Variants in NFATC2IP observed in about 807,000 individuals in gnomAD.
NFATC2IP encodes NFATC2-interacting protein.
Under a neutral mutation model 40.2 loss-of-function variants are expected in NFATC2IP, and 25 were observed. That is an observed-to-expected ratio of 0.62 (90% CI 0.45 to 0.87). The LOEUF (loss-of-function observed/expected upper bound fraction) is 0.87. NFATC2IP is among the 40% of genes least tolerant of loss of function. The pLI, the probability that NFATC2IP is intolerant of heterozygous loss-of-function variation, is 0.00. For missense variants in NFATC2IP, 553 were observed against 555.6 expected, an observed-to-expected ratio of 1.00 and a Z score of 0.05; for synonymous variants, 241 against 236.3, an observed-to-expected ratio of 1.02 and a Z score of -0.18.
chr16:28,956,183 C>A lies in NFATC2IP; in HGVS notation c.692C>A (p.Ser231Tyr), dbSNP rs1163299126. 2 of 1,614,046 alleles carry A rather than the reference C, an allele frequency of 1.2e-6. No individual in the cohort carries two copies. The highest frequency in any genetic ancestry group is 1.7e-6 in the Non-Finnish European group (2 of 1,180,000). Residue 231 changes from serine to tyrosine, a missense_variant, in exon 5 of 8, where the codon TCC becomes TAC. Physicochemically the swap from Ser to Tyr is moderately radical, Grantham distance 144 (BLOSUM62 -2). Coordinates refer to ENST00000320805, the MANE Select transcript of NFATC2IP (RefSeq NM_032815.4). Reference protein sequence around the residue: ...EVNKRLQDLRSCLSPKPPQGQ... With the variant: ...EVNKRLQDLRYCLSPKPPQGQ... Reference sequence around the variant, plus strand: ...AACAAGCGCCTCCAGGATCTCCGTTCCTGTCTGAGCCCCAAGCCACCTCAG... The same window carrying A: ...AACAAGCGCCTCCAGGATCTCCGTTACTGTCTGAGCCCCAAGCCACCTCAG...
rs1965153568 is a variant in NFATC2IP at position 28,966,855 on chromosome 16, TCTA to T, written c.*2996_*2998del. 6.6e-6 allele frequency: 1 copy of T among 152,072 alleles called. No homozygotes were observed. The highest frequency in any genetic ancestry group is 2.1e-4 in the South Asian group (1 of 4,828). 9.4% of individuals were successfully genotyped at this position (152,072 alleles called of 1,614,324 possible). ...TAATGAGCCAGTTTTCTCAGTAATG[TCTA>T]CTAAAAAAAAAGCCATTAACCTTTC... is the stretch of plus-strand genomic sequence containing the variant. On this transcript the variant is annotated 3_prime_UTR_variant, in exon 8 of 8. Transcript: ENST00000320805.
chr16:28,963,301 A>G (rs894772991), intron 7 of NFATC2IP, among the ~76,000 whole-genome samples: 6 of 152,206 alleles, frequency 3.9e-5, no homozygotes, highest in Non-Finnish European at 5.9e-5. Flanking sequence ...CTAAGGTCAC[A>G]TATCTAATAG....
intron 3 of NFATC2IP, 49 bp downstream of exon 3, chr16:28,954,731 AG>A: frequency 8.2e-7 from 1 of 1,219,860 alleles, no homozygotes; most frequent in Non-Finnish European, 1.2e-6. Context: ...AGTGAGTTGG[AG>A]GGGTAAGCGG....
chr16:28,958,697 CTTG>C lies in NFATC2IP; in HGVS notation c.847-15_847-13del, dbSNP rs1567513660. ...TTTCAAGGCAGGAAGACCTCTTTTG[CTTG>C]TTGTCCCCATCCCTAGTCGGAGCCC... On this transcript the variant is annotated splice_polypyrimidine_tract_variant and intron_variant, in intron 5 of 7. Coordinates refer to ENST00000320805, the MANE Select transcript of NFATC2IP (RefSeq NM_032815.4). The C allele has an allele frequency of 1.7e-5, 27 of 1,595,716 alleles. No homozygotes were observed. The highest frequency in any genetic ancestry group is 2.0e-5 in the Non-Finnish European group (23 of 1,170,928).
chr16:28,954,283 C>T (rs1964996672), intron 2 of NFATC2IP, among the ~76,000 whole-genome samples: 1 of 152,122 alleles, frequency 6.6e-6, no homozygotes, highest in Admixed American at 6.6e-5. Flanking sequence ...CTTTTATTGA[C>T]AGCGGGCAAA....
At position 28,954,613 on chromosome 16, in the gene NFATC2IP, C is replaced by T; in HGVS notation, c.509C>T (p.Ser170Leu). The T allele has an allele frequency of 6.2e-7, 1 of 1,614,070 alleles. No individual in the cohort carries two copies. The highest frequency in any genetic ancestry group is 8.5e-7 in the Non-Finnish European group (1 of 1,179,950). The change falls in exon 3 of 8, where the codon TCA (serine) becomes TTA (leucine). Residue 170 changes from serine (S) to leucine (L), a missense_variant. By Grantham distance (145) the Ser-to-Leu change is moderately radical (BLOSUM62 -2). Coordinates refer to ENST00000320805, the MANE Select transcript of NFATC2IP (RefSeq NM_032815.4). Reference protein sequence around the residue: ...SSGLYHEGSPSPGSPWKTKLR... With the variant: ...SSGLYHEGSPLPGSPWKTKLR... ...GGTCTCTACCATGAGGGCTCCCCAT[C>T]ACCAGGCTCTCCCTGGAAGACAAAG...
Position 28,963,840 on chromosome 16 carries a change from G to A in NFATC2IP, c.1237G>A (p.Asp413Asn). 6.2e-7 allele frequency: 1 copy of A among 1,614,198 alleles called. No individual in the cohort carries two copies. Among genetic ancestry groups the A allele is most frequent in the Non-Finnish European group, 8.5e-7 (1 of 1,180,020 alleles). Reference sequence around the variant, plus strand: ...AGCTGACCTGGGCATGGAATCTGGGGACCTCATTGAGGTCTGGGGCTGACA... The same window carrying A: ...AGCTGACCTGGGCATGGAATCTGGGAACCTCATTGAGGTCTGGGGCTGACA... ...LPADLGMESGDLIEVWG is the reference protein window; with the variant it reads ...LPADLGMESGNLIEVWG The change falls in exon 8 of 8, where the codon GAC becomes AAC. Residue 413 changes from aspartate to asparagine, a missense_variant. Transcript: ENST00000320805.
intron 7 of NFATC2IP, among the ~76,000 whole-genome samples, chr16:28,961,773 G>A (rs1163890593): frequency 1.3e-5 from 2 of 151,714 alleles, no homozygotes; most frequent in South Asian, 2.1e-4. Context: ...GGTGGCATGC[G>A]CCTATAGTCC....
At position 28,965,097 on chromosome 16, in the gene NFATC2IP, T is replaced by G. The variant is rs1421912585; in HGVS notation, c.*1234T>G. 3 of 152,192 alleles carry G rather than the reference T, an allele frequency of 2.0e-5. No individual in the cohort carries two copies. The highest frequency in any genetic ancestry group is 4.4e-5 in the Non-Finnish European group (3 of 68,040). The allele number at this position is 152,192 out of a possible 1,614,324, so 9.4% of individuals were successfully genotyped here. On this transcript the variant is annotated 3_prime_UTR_variant, in exon 8 of 8. Coordinates refer to ENST00000320805, the MANE Select transcript of NFATC2IP (RefSeq NM_032815.4). ...ACTTGTATTGCCAGACTACCTAATT[T>G]TTGCCAGTCTCATGGGTAGATAGTG...
In NFATC2IP at chr16:28,963,835, C is replaced by G. The variant is rs1050269189; in HGVS notation, c.1232C>G (p.Ser411Cys). 1 of 1,614,262 alleles carries G rather than the reference C, an allele frequency of 6.2e-7. No homozygotes were observed. The highest frequency in any genetic ancestry group is 8.5e-7 in the Non-Finnish European group (1 of 1,180,042). The change falls in exon 8 of 8, where the codon TCT becomes TGT. Residue 411 changes from serine to cysteine, a missense_variant. Physicochemically the swap from Ser to Cys is moderately radical, Grantham distance 112. Transcript: ENST00000320805. ...CTGCCAGCTGACCTGGGCATGGAAT[C>G]TGGGGACCTCATTGAGGTCTGGGGC... is the stretch of plus-strand genomic sequence containing the variant. Reference protein sequence around the residue: ...RELPADLGMESGDLIEVWG With the variant: ...RELPADLGMECGDLIEVWG
intron 5 of NFATC2IP, 156 bp from the exon 6 acceptor site, chr16:28,958,561 C>T (rs766580769): frequency 1.1e-5 from 7 of 664,490 alleles, no homozygotes; most frequent in Non-Finnish European, 1.1e-5. Flanking sequence ...CTTGCTGACA[C>T]GATTTTATTC....
Position 28,951,071 on chromosome 16 carries a change from G to T in NFATC2IP, c.60G>T (p.Gly20=). ...CCGGAGGTAGCGGTGCCGGCCGAGGGGGTCGGGGCGGCTGGGGCGGTCGGG... is the reference window on the plus strand; with the variant it reads ...CCGGAGGTAGCGGTGCCGGCCGAGGTGGTCGGGGCGGCTGGGGCGGTCGGG... The part of the protein sequence containing the change: ...RWSGGSGAGR[G]GRGGWGGRGR... Residue 20 remains glycine (G), a synonymous_variant, in exon 1 of 8, where the codon GGG becomes GGT. Coordinates refer to ENST00000320805, the MANE Select transcript of NFATC2IP (RefSeq NM_032815.4). The T allele has an allele frequency of 6.5e-7, 1 of 1,541,764 alleles. No homozygotes were observed. Among genetic ancestry groups the T allele is most frequent in the East Asian group, 2.5e-5 (1 of 40,480 alleles).
At chr16:28,960,650 T>G (rs1017409544) in intron 7 of NFATC2IP, among the ~76,000 whole-genome samples, 1 of 152,104 alleles carries the variant, frequency 6.6e-6, no homozygotes, top group Non-Finnish European at 1.5e-5. Flanking sequence ...AGTGAGAAAT[T>G]GGGCCAGGTG....
At chr16:28,961,495 T>A (rs773147628) in intron 7 of NFATC2IP, among the ~76,000 whole-genome samples, 30 of 152,024 alleles carry the variant, frequency 2.0e-4, no homozygotes, top group Non-Finnish European at 3.7e-4. Context: ...TATTCTCTCA[T>A]TGTTCTGGAG....
At position 28,955,978 on chromosome 16, in the gene NFATC2IP, G is replaced by A; in HGVS notation, c.579G>A (p.Leu193=). 1 of 1,612,674 alleles carries A rather than the reference G, an allele frequency of 6.2e-7. No individual in the cohort carries two copies. Among genetic ancestry groups the A allele is most frequent in the South Asian group, 1.1e-5 (1 of 91,036 alleles). ...GTCCTGCTGTCTCTTGCTTCTACAG[G>A]GATCTGGACAACTCTCCTCTGTCCC... The part of the protein sequence containing the change: ...DKEEKKKTEF[L]DLDNSPLSPP... Residue 193 remains leucine, a splice_region_variant and synonymous_variant, in exon 4 of 8, where the codon CTG becomes CTA. Transcript: ENST00000320805.
In NFATC2IP at chr16:28,956,272, AC is replaced by A. The variant is rs765645344; in HGVS notation, c.787del (p.Arg263AspfsTer60). On this transcript the variant is annotated frameshift_variant, in exon 5 of 8. Transcript: ENST00000320805. LOFTEE classifies it high-confidence loss of function. ...GGTGGAAGGGCCCACCCTCCCAGAGACCCCCCGACTCTTCCCACTCAAAATC... is the reference window on the plus strand; with the variant it reads ...GGTGGAAGGGCCCACCCTCCCAGAGACCCCCGACTCTTCCCACTCAAAATC... Reference protein sequence around the residue: ...VLVEGPTLPETPRLFPLKIRC... With the variant: ...VLVEGPTLPEXPRLFPLKIRC... 1.2e-6 allele frequency: 2 copies of A among 1,613,336 alleles called. No homozygotes were observed. Among genetic ancestry groups the A allele is most frequent in the African/African-American group, 1.3e-5 (1 of 74,710 alleles).
At chr16:28,960,017 G>T (rs1033414391) in intron 7 of NFATC2IP, among the ~76,000 whole-genome samples, 23 of 152,152 alleles carry the variant, frequency 1.5e-4, no homozygotes, top group African/African-American at 4.8e-4. Context: ...AATCTGAGTG[G>T]AAACCTTCCT....
intron 3 of NFATC2IP, among the ~76,000 whole-genome samples, 197 bp from the exon 4 acceptor site, chr16:28,955,781 G>T (rs1965013477): frequency 6.6e-6 from 1 of 151,932 alleles, no homozygotes; most frequent in Non-Finnish European, 1.5e-5. Flanking sequence ...TAGAAATAGG[G>T]TCTCCCCATC....
In NFATC2IP at chr16:28,954,773, A is replaced by C. The variant is rs193251347; in HGVS notation, c.578+91A>C. On this transcript the variant is annotated intron_variant, in intron 3 of 7. Transcript: ENST00000320805. ...GGCAGGACTCTTGGGTGACTCCTGA[A>C]AGGTTAAGAAGAAGGGATAGAAGGA... The C allele has an allele frequency of 9.8e-5, 71 of 726,120 alleles. No homozygotes were observed. In the East Asian group the frequency reaches 1.7e-3, roughly 18 times the overall value. 45.0% of individuals were successfully genotyped at this position (726,120 alleles called of 1,614,324 possible).
Sources: gnomAD v4.1 joint callset for allele counts (sites outside exome capture counted in the v4.1 genomes callset) on GRCh38, gnomAD v4.1.1 for gene constraint, MANE v1.5 for transcripts, NCBI Gene and HGNC (gene_info 2026-07-23, HGNC 2026-07-21) for gene names.